The following LRRC28 variants were observed in gnomAD, a reference collection of about 807,000 sequenced individuals.
The protein encoded by LRRC28 is leucine rich repeat containing 28.
In LRRC28, 39 loss-of-function variants were observed where a neutral mutation model predicts 45.7. The observed-to-expected ratio is 0.85, with a 90% CI of 0.66 to 1.12. The LOEUF is 1.12. LRRC28 is among the 50% of genes most tolerant of loss of function. The pLI is 0.00. For synonymous variants in LRRC28, 206 were observed against 178.8 expected, an observed-to-expected ratio of 1.15 and a Z score of -1.22; for missense variants, 435 against 438.5, an observed-to-expected ratio of 0.99 and a Z score of 0.07.
intron 2 of LRRC28, among the ~76,000 whole-genome samples, chr15:99,261,736 C>T (rs898349770): frequency 6.6e-6 from 1 of 152,050 alleles, no homozygotes; most frequent in African/African-American, 2.4e-5. Context: ...CCGCTTACAG[C>T]AACCTCTGCC....
chr15:99,290,084 C>A (rs2082077554), intron 5 of LRRC28, among the ~76,000 whole-genome samples: 1 of 151,730 alleles, frequency 6.6e-6, no homozygotes, highest in African/African-American at 2.4e-5. Context: ...ATGGTGAAAC[C>A]CCATCTCTGC....
intron 9 of LRRC28, among the ~76,000 whole-genome samples, chr15:99,374,532 C>T (rs1957570384): frequency 6.6e-6 from 1 of 152,192 alleles, no homozygotes; most frequent in African/African-American, 2.4e-5. Flanking sequence ...AAAATCATGT[C>T]ATGCTGTCTG....
chr15:99,322,521 G>C (rs185042862), intron 5 of LRRC28, among the ~76,000 whole-genome samples: 1 of 152,234 alleles, frequency 6.6e-6, no homozygotes, highest in Admixed American at 6.5e-5. Flanking sequence ...TATAGAGGGT[G>C]TAAGTTACAG....
At chr15:99,322,673 C>T (rs1429750562) in intron 5 of LRRC28, among the ~76,000 whole-genome samples, 1 of 151,870 alleles carries the variant, frequency 6.6e-6, no homozygotes. Flanking sequence ...ATCTTCAGAC[C>T]CCCATTAGGG....
chr15:99,311,955 C>A (rs1403415445), intron 5 of LRRC28, among the ~76,000 whole-genome samples: 1 of 151,932 alleles, frequency 6.6e-6, no homozygotes, highest in Non-Finnish European at 1.5e-5. Flanking sequence ...CTGTGTTTTA[C>A]CAGAATTAAG....
chr15:99,267,585 T>G (rs1279513039), intron 2 of LRRC28, among the ~76,000 whole-genome samples: 1 of 152,198 alleles, frequency 6.6e-6, no homozygotes, highest in African/African-American at 2.4e-5. Context: ...GTTTCTTAAA[T>G]TGACTATGTG....
chr15:99,314,544 A>T (rs1307913918), intron 5 of LRRC28, among the ~76,000 whole-genome samples: 1 of 152,208 alleles, frequency 6.6e-6, no homozygotes, highest in Non-Finnish European at 1.5e-5. Flanking sequence ...ACAATATTTT[A>T]TCATCTCTGA....
rs186901693 is a variant in LRRC28 at position 99,285,190 on chromosome 15, A to G, written c.210-2067A>G. 5.6e-5 allele frequency: 41 copies of G among 728,510 alleles called. No individual in the cohort carries two copies. In the East Asian group the frequency reaches 8.8e-4, roughly 16 times the overall value. 45.1% of individuals were successfully genotyped at this position (728,510 alleles called of 1,614,324 possible). A position where few individuals can be genotyped will look rare whatever the true frequency, so the allele number is the denominator to read the frequency against. ...GTCAGTCATGATTTCAATCACTTCA[A>G]TTTTTCCATACTGTTCAAAATAATC... On this transcript the variant is annotated intron_variant, in intron 3 of 9. Transcript: ENST00000301981.
At chr15:99,383,225 A>C (rs982453891) in intron 9 of LRRC28, among the ~76,000 whole-genome samples, 2 of 152,110 alleles carry the variant, frequency 1.3e-5, no homozygotes, top group East Asian at 3.9e-4. Flanking sequence ...ACTTGGAGCC[A>C]ATTGCATCTG....
chr15:99,385,059 G>C (rs1957940888), intron 9 of LRRC28, among the ~76,000 whole-genome samples: 1 of 152,192 alleles, frequency 6.6e-6, no homozygotes, highest in Non-Finnish European at 1.5e-5. Flanking sequence ...AGGGCAAAGG[G>C]AGCTCTCTCT....
At chr15:99,383,047 C>A (rs1276009165) in intron 9 of LRRC28, among the ~76,000 whole-genome samples, 1 of 152,112 alleles carries the variant, frequency 6.6e-6, no homozygotes, top group Non-Finnish European at 1.5e-5. Flanking sequence ...ATATGCGCAA[C>A]CCTCACCCTA....
chr15:99,269,660 C>T (rs559332822), intron 2 of LRRC28, among the ~76,000 whole-genome samples: 16 of 152,300 alleles, frequency 1.1e-4, no homozygotes, highest in African/African-American at 3.9e-4. Flanking sequence ...CCCTCAGCCT[C>T]CCAAAGTGTT....
chr15:99,306,897 G>A (rs972847200), intron 5 of LRRC28, among the ~76,000 whole-genome samples: 7 of 152,176 alleles, frequency 4.6e-5, no homozygotes, highest in Non-Finnish European at 8.8e-5. Flanking sequence ...TTGCTGGTGC[G>A]TCTTGTCTGG....
At chr15:99,329,017 A>G (rs890807527) in intron 5 of LRRC28, among the ~76,000 whole-genome samples, 1 of 151,994 alleles carries the variant, frequency 6.6e-6, no homozygotes, top group African/African-American at 2.4e-5. Context: ...TCATATATCT[A>G]TATACATATC....
At chr15:99,324,837 G>A (rs185741828) in intron 5 of LRRC28, among the ~76,000 whole-genome samples, 1 of 152,064 alleles carries the variant, frequency 6.6e-6, no homozygotes, top group Admixed American at 6.6e-5. Context: ...GATTGGGAGT[G>A]GTGTGAAAAG....
intron 6 of LRRC28, among the ~76,000 whole-genome samples, chr15:99,339,162 C>G (rs994012417): frequency 6.6e-6 from 1 of 152,022 alleles, no homozygotes; most frequent in Non-Finnish European, 1.5e-5. Context: ...TGATTTTTTT[C>G]TCTAAGGCTT....
chr15:99,329,948 G>C (rs1247027349), intron 5 of LRRC28, among the ~76,000 whole-genome samples: 1 of 152,088 alleles, frequency 6.6e-6, no homozygotes. Flanking sequence ...TAATATATCT[G>C]AGTGTTTATG....
At chr15:99,302,435 C>A (rs1296474088) in intron 5 of LRRC28, among the ~76,000 whole-genome samples, 1 of 152,070 alleles carries the variant, frequency 6.6e-6, no homozygotes, top group Non-Finnish European at 1.5e-5. Flanking sequence ...GTTGCCCAGG[C>A]TGGAGTGCAA....
intron 6 of LRRC28, among the ~76,000 whole-genome samples, chr15:99,350,659 C>T (rs557410212): frequency 2.3e-4 from 35 of 152,320 alleles, no homozygotes; most frequent in African/African-American, 7.9e-4. Context: ...CTAAAAACCT[C>T]CTGATTCAGC....
Sources: allele counts gnomAD v4.1 joint callset (sites outside exome capture counted in the v4.1 genomes callset), GRCh38; gene constraint gnomAD v4.1.1; transcripts MANE v1.5; gene names NCBI Gene and HGNC (gene_info 2026-07-23, HGNC 2026-07-21).